KDM5B: variants seen among roughly 807,000 people sequenced by gnomAD.
The protein encoded by KDM5B is lysine-specific demethylase 5B.
In KDM5B, 144 loss-of-function variants were observed where a neutral mutation model predicts 193.4. The ratio of observed to expected loss-of-function variants is 0.74; its 90% CI spans 0.65 to 0.86. KDM5B has a LOEUF of 0.86. Ranked by LOEUF, KDM5B falls within the 40% of genes least tolerant of loss-of-function variation. The pLI is 0.00. For missense variants in KDM5B, 1,833 were observed against 1,886.9 expected (o/e 0.97, Z 0.53); for synonymous variants, 668 against 682.6 (o/e 0.98, Z 0.33).
At position 202,725,356 on chromosome 1, in the gene KDM5B, T is replaced by C. The variant is rs1259006403; in HGVS notation, c.*3680A>G. The C allele has an allele frequency of 2.0e-5, 3 of 152,390 alleles. No homozygotes were observed. Among genetic ancestry groups the C allele is most frequent in the Admixed American group, 6.5e-5 (1 of 15,310 alleles). The allele number at this position is 152,390 out of a possible 1,614,324, so 9.4% of individuals were successfully genotyped here. On this transcript the variant is annotated 3_prime_UTR_variant, in exon 27 of 27. Coordinates refer to ENST00000367265, the MANE Select transcript of KDM5B (RefSeq NM_006618.5). The stretch of plus-strand genomic sequence containing the variant: ...ATGGATTTACAACAGTATTACTTTA[T>C]ACAAATTCCTACTTTATACAATTTT...
chr1:202,768,082 T>C (rs1478995184), intron 4 of KDM5B, among the ~76,000 whole-genome samples: 2 of 152,218 alleles, frequency 1.3e-5, no homozygotes, highest in East Asian at 1.9e-4. Context: ...TTTACCACAG[T>C]ATATCCCTAC....
Position 202,741,733 on chromosome 1 carries a change from A to T in KDM5B, c.2590-11T>A. The T allele has an allele frequency of 6.7e-7, 1 of 1,491,332 alleles. No individual in the cohort carries two copies. The highest frequency in any genetic ancestry group is 9.2e-7 in the Non-Finnish European group (1 of 1,081,388). 92.4% of individuals were successfully genotyped at this position (1,491,332 alleles called of 1,614,324 possible). A position where few individuals can be genotyped will look rare whatever the true frequency, so the allele number is the denominator to read the frequency against. ...ACGATTCAAGAGATCCTAAAAAAAAATACACAGGTTGTTGCATTAAAACAG... is the reference window on the plus strand; with the variant it reads ...ACGATTCAAGAGATCCTAAAAAAAATTACACAGGTTGTTGCATTAAAACAG... On this transcript the variant is annotated splice_polypyrimidine_tract_variant and intron_variant, in intron 18 of 26. Coordinates refer to ENST00000367265, the MANE Select transcript of KDM5B (RefSeq NM_006618.5).
chr1:202,789,101 C>G (rs1657530399), intron 1 of KDM5B, among the ~76,000 whole-genome samples: 1 of 152,092 alleles, frequency 6.6e-6, no homozygotes, highest in South Asian at 2.1e-4. Context: ...GATTCAACAT[C>G]AGGGTCAAGA....
intron 4 of KDM5B, among the ~76,000 whole-genome samples, chr1:202,769,002 C>T (rs1301324347): frequency 6.6e-6 from 1 of 151,544 alleles, no homozygotes; most frequent in Non-Finnish European, 1.5e-5. Flanking sequence ...GTGTGAGCCA[C>T]TGCACCCGGC....
At chr1:202,780,452 A>T (rs1341040528) in intron 1 of KDM5B, among the ~76,000 whole-genome samples, 4 of 152,012 alleles carry the variant, frequency 2.6e-5, no homozygotes, top group Non-Finnish European at 5.9e-5. Context: ...AGCCTCCCAA[A>T]GTGCTGGGAT....
At chr1:202,775,873 A>ATAT (rs1378977083) in intron 2 of KDM5B, among the ~76,000 whole-genome samples, 3 of 127,646 alleles carry the variant, frequency 2.4e-5, no homozygotes, top group African/African-American at 8.6e-5. Context: ...AAAAAAAAAA[A>ATAT]AAAAAAATAT....
Position 202,798,855 on chromosome 1 carries a change from T to TA in KDM5B, c.204+9246dup, listed in dbSNP as rs201403074. Reference sequence around the variant, plus strand: ...CGGCAACACAGCAAGACCCTGTCCCTAAAAAAAAATAATAATTCTGGGTGT... The same window carrying TA: ...CGGCAACACAGCAAGACCCTGTCCCTAAAAAAAAAATAATAATTCTGGGTGT... On this transcript the variant is annotated intron_variant, in intron 1 of 26. Transcript: ENST00000367265. Among the ~76,000 whole-genome samples, 712 of 150,778 alleles carry TA rather than the reference T, an allele frequency of 4.7e-3. 2 individuals are homozygous for TA. The highest frequency in any genetic ancestry group is 0.014 in the Middle Eastern group (4 of 290).
At position 202,729,811 on chromosome 1, in the gene KDM5B, T is replaced by C; in HGVS notation, c.4393A>G (p.Thr1465Ala). 4 of 1,613,902 alleles carry C rather than the reference T, an allele frequency of 2.5e-6. No individual in the cohort carries two copies. Among genetic ancestry groups the C allele is most frequent in the African/African-American group, 1.3e-5 (1 of 74,952 alleles). ...RSYELVRSAE[T>A]HSLPSDTSYS... ...GATGTGTCTGAGGGCAGGGAATGAGTTTCAGCAGAACGAACTAATTCATAG... is the reference window on the plus strand; with the variant it reads ...GATGTGTCTGAGGGCAGGGAATGAGCTTCAGCAGAACGAACTAATTCATAG... Residue 1465 changes from threonine (T) to alanine (A), a missense_variant, in exon 26 of 27, where the codon ACT becomes GCT. Transcript: ENST00000367265.
chr1:202,760,399 T>C lies in KDM5B; in HGVS notation c.1077+16A>G. ...AAAAAAATTTTTCTAGTGTTACCTC[T>C]ACTATTAATTATTACCTGAGCCAAA... On this transcript the variant is annotated intron_variant, in intron 8 of 26. Coordinates refer to ENST00000367265, the MANE Select transcript of KDM5B (RefSeq NM_006618.5). 6.3e-7 allele frequency: 1 copy of C among 1,577,288 alleles called. No homozygotes were observed. Among genetic ancestry groups the C allele is most frequent in the Non-Finnish European group, 8.6e-7 (1 of 1,164,056 alleles).
intron 4 of KDM5B, among the ~76,000 whole-genome samples, chr1:202,768,715 TTC>T (rs1656576465): frequency 7.8e-6 from 1 of 128,540 alleles, no homozygotes; most frequent in South Asian, 2.7e-4. Flanking sequence ...AAGTTAACTA[TTC>T]TTTTTTTTTT....
At chr1:202,784,314 C>G (rs1340877619) in intron 1 of KDM5B, among the ~76,000 whole-genome samples, 1 of 152,104 alleles carries the variant, frequency 6.6e-6, no homozygotes, top group African/African-American at 2.4e-5. Context: ...CAGACAAAAC[C>G]AATTAGAAAT....
intron 10 of KDM5B, among the ~76,000 whole-genome samples, chr1:202,756,028 T>C (rs547986980): frequency 6.6e-6 from 1 of 151,786 alleles, no homozygotes; most frequent in South Asian, 2.1e-4. Context: ...ACAGAACTCT[T>C]CCTAAGAGTT....
chr1:202,772,800 G>A (rs954579214), intron 4 of KDM5B, among the ~76,000 whole-genome samples: 5 of 151,826 alleles, frequency 3.3e-5, no homozygotes, highest in African/African-American at 9.7e-5. Context: ...GGGTTCAAGC[G>A]GTTCTCCTGC....
In KDM5B at chr1:202,753,601, C is replaced by G. The variant is rs532645855; in HGVS notation, c.1539-534G>C. On this transcript the variant is annotated intron_variant, in intron 11 of 26. Transcript: ENST00000367265. ...TGAACATCTGAAGTCCCTCTCCCCACTCTCATTTTTATCTGACTCTTTAGA... is the reference window on the plus strand; with the variant it reads ...TGAACATCTGAAGTCCCTCTCCCCAGTCTCATTTTTATCTGACTCTTTAGA... 7.2e-5 allele frequency among the ~76,000 whole-genome samples: 11 copies of G among 152,066 alleles called. No individual in the cohort carries two copies. The East Asian group carries it at 1.5e-3, about 21-fold the overall frequency.
At chr1:202,789,650 G>GC (rs1162177569) in intron 1 of KDM5B, among the ~76,000 whole-genome samples, 1 of 150,852 alleles carries the variant, frequency 6.6e-6, no homozygotes, top group Non-Finnish European at 1.5e-5. Context: ...TTCAAGACCA[G>GC]CCAGAGCACC....
At chr1:202,770,874 A>C (rs1365908128) in intron 4 of KDM5B, among the ~76,000 whole-genome samples, 1 of 152,240 alleles carries the variant, frequency 6.6e-6, no homozygotes, top group Non-Finnish European at 1.5e-5. Flanking sequence ...CTTGGCACAG[A>C]GTAAGTCCCT....
At chr1:202,767,486 A>G (rs1656519821) in intron 4 of KDM5B, 3 of 922,266 alleles carry the variant, frequency 3.3e-6, no homozygotes, top group African/African-American at 1.7e-5. Context: ...GCACCTCACC[A>G]AGACCTTTTT....
At chr1:202,781,037 C>G (rs1657177159) in intron 1 of KDM5B, among the ~76,000 whole-genome samples, 1 of 152,106 alleles carries the variant, frequency 6.6e-6, no homozygotes, top group Admixed American at 6.5e-5. Flanking sequence ...AAATGACGGC[C>G]AGGCACAGTG....
intron 22 of KDM5B, among the ~76,000 whole-genome samples, chr1:202,735,047 T>G (rs1655042453): frequency 6.6e-6 from 1 of 152,244 alleles, no homozygotes; most frequent in Non-Finnish European, 1.5e-5. Flanking sequence ...GTATTCCAGA[T>G]GAGTATCAAA....
Sources: gnomAD v4.1 joint callset for allele counts (sites outside exome capture counted in the v4.1 genomes callset) on GRCh38, gnomAD v4.1.1 for gene constraint, MANE v1.5 for transcripts, NCBI Gene and HGNC (gene_info 2026-07-23, HGNC 2026-07-21) for gene names.